NRAP: variants seen among roughly 807,000 people sequenced by gnomAD.
NRAP encodes the protein nebulin-related-anchoring protein.
Under a neutral mutation model 225.9 loss-of-function variants are expected in NRAP, and 189 were observed. The observed-to-expected ratio is 0.84, with a 90% CI of 0.74 to 0.94. The LOEUF (loss-of-function observed/expected upper bound fraction) is 0.94. Among genes scored for constraint, NRAP ranks in the 40% least tolerant of loss-of-function variants. The probability of loss-of-function intolerance (pLI) is 0.00; values close to 1 mark genes in which losing one functional copy is unlikely to be tolerated. For missense variants in NRAP, 2,176 were observed against 2,168.7 expected (o/e 1.00, Z -0.07); for synonymous variants, 769 against 790.7 (o/e 0.97, Z 0.46).
intron 9 of NRAP, among the ~76,000 whole-genome samples, chr10:113,648,927 T>C (rs1849764580): frequency 6.6e-6 from 1 of 152,214 alleles, no homozygotes; most frequent in African/African-American, 2.4e-5. Flanking sequence ...GTAGATAGGA[T>C]TGGCCAAATA....
In NRAP at chr10:113,612,173, G is replaced by T. The variant is rs1488078569; in HGVS notation, c.3498+61C>A. ...TCACTGAGCCAACAGGAGCCTGGAG[G>T]TCACCACCCTGAGGTCCTAAGAGAA... On this transcript the variant is annotated intron_variant, in intron 30 of 41. Transcript: ENST00000359988. The T allele has an allele frequency of 3.6e-6, 5 of 1,388,844 alleles. No homozygotes were observed. In the East Asian group the frequency reaches 9.2e-5, roughly 25 times the overall value. The allele number at this position is 1,388,844 out of a possible 1,614,324, so 86.0% of individuals were successfully genotyped here. A position where few individuals can be genotyped will look rare whatever the true frequency, so the allele number is the denominator to read the frequency against.
chr10:113,652,890 C>T (rs929465875), intron 6 of NRAP, 45 bp downstream of exon 6: 15 of 1,381,818 alleles, frequency 1.1e-5, no homozygotes, highest in Non-Finnish European at 1.5e-5. Flanking sequence ...TCATTAATGA[C>T]AAAAATTAGC....
chr10:113,646,059 GA>G (rs949435095), intron 10 of NRAP, 118 bp from the exon 11 acceptor site: 41 of 554,156 alleles, frequency 7.4e-5, no homozygotes, highest in Middle Eastern at 2.9e-4. Flanking sequence ...TTTTCTGAAA[GA>G]AAAAAAAATT....
intron 35 of NRAP, among the ~76,000 whole-genome samples, chr10:113,598,350 C>T (rs923940734): frequency 6.7e-6 from 1 of 150,122 alleles, no homozygotes; most frequent in East Asian, 2.0e-4. Context: ...TGTGGACGAT[C>T]GCATAAAGAA....
intron 23 of NRAP, 80 bp from the exon 24 acceptor site, chr10:113,622,260 T>C: frequency 1.1e-6 from 1 of 938,242 alleles, no homozygotes; most frequent in Non-Finnish European, 1.7e-6. Flanking sequence ...GCATGGGAGC[T>C]GAAACAAAGC....
intron 3 of NRAP, among the ~76,000 whole-genome samples, chr10:113,661,431 G>A (rs971478598): frequency 2.0e-5 from 3 of 152,252 alleles, no homozygotes; most frequent in Non-Finnish European, 2.9e-5. Context: ...ACAGTTTTTT[G>A]GGAGGAGGAC....
In NRAP at chr10:113,631,568, T is replaced by C; in HGVS notation, c.1783A>G (p.Met595Val). 1 of 1,613,362 alleles carries C rather than the reference T, an allele frequency of 6.2e-7. No homozygotes were observed. The change falls in exon 18 of 42, where the codon ATG becomes GTG. Residue 595 changes from methionine to valine, a missense_variant. Met to Val is a conservative substitution (Grantham distance 21, BLOSUM62 1). Around this residue, in one of 3 missense-constraint regions of NRAP, gnomAD observed 1,708 missense variants for 1,695.5 expected, o/e 1.01. Coordinates refer to ENST00000359988, the MANE Select transcript of NRAP (RefSeq NM_198060.4). ...EEYEKTKGKA[M>V]GTADSRLLHS... ...AGAAGCCTAGAGTCGGCTGTTCCCATGGCTTTGCCTTTTGTCTTTTCATAT... is the reference window on the plus strand; with the variant it reads ...AGAAGCCTAGAGTCGGCTGTTCCCACGGCTTTGCCTTTTGTCTTTTCATAT...
At position 113,631,596 on chromosome 10, in the gene NRAP, T is replaced by G. The variant is rs1412949529; in HGVS notation, c.1755A>C (p.Glu585Asp). Residue 585 changes from glutamate to aspartate, a missense_variant, in exon 18 of 42, where the codon GAA becomes GAC. Physicochemically the swap from Glu to Asp is conservative, Grantham distance 45 (BLOSUM62 2). Transcript: ENST00000359988. Reference protein sequence around the residue: ...GELASNIKYKEEYEKTKGKAM... With the variant: ...GELASNIKYKDEYEKTKGKAM... ...CTTTGCCTTTTGTCTTTTCATATTCTTCTTTATATTTAATCTTGAGAGAAA... is the reference window on the plus strand; with the variant it reads ...CTTTGCCTTTTGTCTTTTCATATTCGTCTTTATATTTAATCTTGAGAGAAA... 1.9e-5 allele frequency: 30 copies of G among 1,605,732 alleles called. No individual in the cohort carries two copies. In the East Asian group the frequency reaches 6.5e-4, roughly 35 times the overall value.
intron 34 of NRAP, 25 bp from the exon 35 acceptor site, chr10:113,604,945 A>C: frequency 6.3e-7 from 1 of 1,597,794 alleles, no homozygotes; most frequent in Non-Finnish European, 8.5e-7. Flanking sequence ...TGGCCGGTCA[A>C]ATTCTATCTG....
chr10:113,645,646 A>G (rs1013173052), intron 11 of NRAP, among the ~76,000 whole-genome samples, 179 bp downstream of exon 11: 21 of 152,148 alleles, frequency 1.4e-4, no homozygotes, highest in African/African-American at 4.8e-4. Context: ...CGAACTCCCA[A>G]CCTCAGGTGA....
intron 41 of NRAP, 116 bp downstream of exon 41, chr10:113,589,550 A>ACACTT (rs1845816647): frequency 1.6e-6 from 2 of 1,285,494 alleles, no homozygotes; most frequent in South Asian, 2.9e-5. Context: ...GCTGCGTTTC[A>ACACTT]CACTTCTTTA....
At chr10:113,634,033 T>A (rs1337956742) in intron 15 of NRAP, 79 bp downstream of exon 15, 17 of 870,836 alleles carry the variant, frequency 2.0e-5, no homozygotes, top group Admixed American at 3.7e-5. Context: ...AGTCAAATCC[T>A]TGGAGGTCAG....
At chr10:113,662,877 A>G in intron 2 of NRAP, 111 bp from the exon 3 acceptor site, 1 of 539,006 alleles carries the variant, frequency 1.9e-6, no homozygotes, top group East Asian at 3.3e-5. Flanking sequence ...AAAAATCAAT[A>G]AATGTAAAAC....
At chr10:113,595,829 C>T (rs1470385506) in intron 37 of NRAP, 102 bp from the exon 38 acceptor site, 3 of 766,644 alleles carry the variant, frequency 3.9e-6, no homozygotes, top group Non-Finnish European at 6.8e-6. Flanking sequence ...CCTGAGTGCC[C>T]ACCGCATAGA....
At chr10:113,603,802 G>C (rs1329382863) in intron 35 of NRAP, among the ~76,000 whole-genome samples, 4 of 152,094 alleles carry the variant, frequency 2.6e-5, no homozygotes, top group Non-Finnish European at 5.9e-5. Flanking sequence ...ATCCCCTTCT[G>C]TCTTTTCCTT....
At chr10:113,622,933 T>C (rs1848083419) in intron 23 of NRAP, among the ~76,000 whole-genome samples, 1 of 152,210 alleles carries the variant, frequency 6.6e-6, no homozygotes, top group Admixed American at 6.5e-5. Context: ...AGCAAGACTT[T>C]CTCGATAAAG....
intron 29 of NRAP, among the ~76,000 whole-genome samples, chr10:113,613,768 C>T (rs550993130): frequency 5.8e-4 from 89 of 152,264 alleles, no homozygotes; most frequent in African/African-American, 1.9e-3. Context: ...GCCACTACAA[C>T]CAACTGTAGC....
intron 20 of NRAP, 100 bp from the exon 21 acceptor site, chr10:113,626,245 A>C (rs1452689142): frequency 9.3e-6 from 7 of 754,990 alleles, no homozygotes; most frequent in East Asian, 2.8e-5. Flanking sequence ...TCTGTGGTCC[A>C]AGCATTTCCT....
At position 113,614,925 on chromosome 10, in the gene NRAP, T is replaced by C. The variant is rs1172779279; in HGVS notation, c.3100A>G (p.Ser1034Gly). 6.2e-7 allele frequency: 1 copy of C among 1,609,430 alleles called. No homozygotes were observed. Among genetic ancestry groups the C allele is most frequent in the East Asian group, 2.2e-5 (1 of 44,854 alleles). Residue 1034 changes from serine (S) to glycine (G), a missense_variant, in exon 28 of 42, where the codon AGC becomes GGC. Physicochemically the swap from Ser to Gly is moderately conservative, Grantham distance 56. Around this residue, in one of 3 missense-constraint regions of NRAP, gnomAD observed 1,708 missense variants for 1,695.5 expected, o/e 1.01. Transcript: ENST00000359988. ...TTATAGCCACCATCTCGAAGTTTGC[T>C]CCAGGATTCCTTATAACGCGTCTGT... is the stretch of plus-strand genomic sequence containing the variant. ...ISETRYKESW[S>G]KLRDGGYKLR...
Sources: gnomAD v4.1 joint callset for allele counts (sites outside exome capture counted in the v4.1 genomes callset) on GRCh38, gnomAD v4.1.1 for gene constraint, gnomAD v4.1.1 regional missense constraint, MANE v1.5 for transcripts, NCBI Gene and HGNC (gene_info 2026-07-23, HGNC 2026-07-21) for gene names.